The following MYO18A variants were observed in gnomAD, a reference collection of about 807,000 sequenced individuals.
MYO18A encodes the protein myosin XVIIIA.
In MYO18A, 78 loss-of-function variants were observed where a neutral mutation model predicts 235.8. The ratio of observed to expected loss-of-function variants is 0.33; its 90% CI spans 0.28 to 0.40. MYO18A has a LOEUF of 0.40. Ranked by LOEUF, MYO18A falls within the 10% of genes least tolerant of loss-of-function variation. The pLI is 1.00. For missense variants in MYO18A, 2,215 were observed against 2,699.3 expected (o/e 0.82, Z 3.98); for synonymous variants, 977 against 1,077.8 (o/e 0.91, Z 1.83).
At chr17:29,153,688 T>C (rs1157473965) in intron 2 of MYO18A, among the ~76,000 whole-genome samples, 4 of 152,104 alleles carry the variant, frequency 2.6e-5, no homozygotes, top group East Asian at 3.9e-4. Context: ...CCTCTCTTCC[T>C]CCTCTCTCCT....
intron 19 of MYO18A, among the ~76,000 whole-genome samples, chr17:29,108,394 A>G (rs1049287867): frequency 4.6e-5 from 7 of 152,226 alleles, no homozygotes; most frequent in African/African-American, 1.4e-4. Flanking sequence ...TGATCTTACC[A>G]GAGCCCAGGG....
In MYO18A at chr17:29,166,632, G is replaced by T. The variant is rs769928670; in HGVS notation, c.309C>A (p.Ser103Arg). Residue 103 changes from serine to arginine, a missense_variant, in exon 2 of 42, where the codon AGC (serine) becomes AGA (arginine). By Grantham distance (110) the Ser-to-Arg change is moderately radical. Transcript: ENST00000527372. ...DSGHLSTASS[S>R]DDLKGEEGSF... is the part of the protein sequence containing the mutation. ...TACCCTCCTCACCCTTGAGGTCATCGCTGGAGCTGGCTGTACTTAGGTGGC... is the reference window on the plus strand; with the variant it reads ...TACCCTCCTCACCCTTGAGGTCATCTCTGGAGCTGGCTGTACTTAGGTGGC... The T allele has an allele frequency of 6.2e-7, 1 of 1,613,876 alleles. No homozygotes were observed. The highest frequency in any genetic ancestry group is 8.5e-7 in the Non-Finnish European group (1 of 1,179,864).
intron 2 of MYO18A, among the ~76,000 whole-genome samples, chr17:29,127,134 C>G (rs1202576568): frequency 2.0e-5 from 3 of 152,166 alleles, no homozygotes; most frequent in Non-Finnish European, 4.4e-5. Context: ...TACTTAAAAC[C>G]CTTATTAACC....
intron 37 of MYO18A, among the ~76,000 whole-genome samples, chr17:29,089,101 A>T (rs1479441204): frequency 6.6e-6 from 1 of 151,260 alleles, no homozygotes; most frequent in Non-Finnish European, 1.5e-5. Context: ...AAGGGAGAGG[A>T]GAATGGGATG....
At chr17:29,167,639 G>A (rs1341801976) in intron 1 of MYO18A, among the ~76,000 whole-genome samples, 6 of 151,668 alleles carry the variant, frequency 4.0e-5, no homozygotes, top group African/African-American at 9.7e-5. Context: ...CCAGGAGGTC[G>A]AGGTTGCAGT....
At position 29,131,428 on chromosome 17, in the gene MYO18A, GTCC is replaced by G. The variant is rs929771944; in HGVS notation, c.1000-9178_1000-9176del. ...GAGAGCCAGGCTTTGGCAGAGTTTT[GTCC>G]TCCTCTTTAACCTGAGGGAGCAGAT... On this transcript the variant is annotated intron_variant, in intron 2 of 41. Coordinates refer to ENST00000527372, the MANE Select transcript of MYO18A (RefSeq NM_078471.4). 8.1e-6 allele frequency: 8 copies of G among 985,822 alleles called. No homozygotes were observed. The African/African-American group carries it at 1.2e-4, about 15-fold the overall frequency. 61.1% of individuals were successfully genotyped at this position (985,822 alleles called of 1,614,324 possible). A position where few individuals can be genotyped will look rare whatever the true frequency, so the allele number is the denominator to read the frequency against.
intron 2 of MYO18A, among the ~76,000 whole-genome samples, chr17:29,129,347 AGT>A (rs1491207252): frequency 1.3e-5 from 2 of 152,086 alleles, no homozygotes; most frequent in South Asian, 2.1e-4. Flanking sequence ...TAGTTCCCAG[AGT>A]GTGTATAGCC....
At chr17:29,090,498 C>G (rs573511513) in intron 36 of MYO18A, 34 bp downstream of exon 36, 1 of 1,544,872 alleles carries the variant, frequency 6.5e-7, no homozygotes, top group African/African-American at 1.4e-5. Context: ...GACCCTGGCA[C>G]TCTCTCTCTC....
chr17:29,098,388 G>A lies in MYO18A; in HGVS notation c.3838C>T (p.Leu1280=). 6.2e-7 allele frequency: 1 copy of A among 1,613,942 alleles called. No homozygotes were observed. Among genetic ancestry groups the A allele is most frequent in the South Asian group, 1.1e-5 (1 of 91,092 alleles). ...LEKAEKERNE[L]RLNSDRLESR... is the part of the protein sequence containing the mutation. ...TCCAGCCGGTCACTGTTGAGCCGCAGCTCGTTCCTCTCCTTCTCCGCCTTC... is the reference window on the plus strand; with the variant it reads ...TCCAGCCGGTCACTGTTGAGCCGCAACTCGTTCCTCTCCTTCTCCGCCTTC... The change falls in exon 24 of 42, where the codon CTG becomes TTG. Residue 1280 remains leucine, a synonymous_variant. Transcript: ENST00000527372.
At chr17:29,099,571 C>G (rs2066606047) in intron 22 of MYO18A, 63 bp downstream of exon 22, 3 of 1,571,684 alleles carry the variant, frequency 1.9e-6, no homozygotes, top group Middle Eastern at 1.8e-4. Context: ...ATAGCCCCCA[C>G]CCCAGGAACT....
rs183225376 is a variant in MYO18A at position 29,118,039 on chromosome 17, G to A, written c.2038+6C>T. On this transcript the variant is annotated splice_donor_region_variant and intron_variant, in intron 10 of 41. Transcript: ENST00000527372. The surrounding 1 kb of genome is among the most constrained non-coding windows in gnomAD (Gnocchi z 4.2). ...GGCCAGCCTACTGGGACCCACTGCAGGTTACCTTTGGTGGCTCCCGCAGCC... is the reference window on the plus strand; with the variant it reads ...GGCCAGCCTACTGGGACCCACTGCAAGTTACCTTTGGTGGCTCCCGCAGCC... The A allele has an allele frequency of 2.5e-6, 4 of 1,576,052 alleles. No individual in the cohort carries two copies. The highest frequency in any genetic ancestry group is 2.3e-5 in the South Asian group (2 of 85,838).
At chr17:29,177,104 A>G (rs1211446947) in intron 1 of MYO18A, among the ~76,000 whole-genome samples, 1 of 151,908 alleles carries the variant, frequency 6.6e-6, no homozygotes, top group Non-Finnish European at 1.5e-5. Flanking sequence ...AGCCTCCACT[A>G]TTTCAGCTAC....
chr17:29,105,215 C>CTGGCAA (rs1052903137), intron 20 of MYO18A, among the ~76,000 whole-genome samples: 43 of 148,662 alleles, frequency 2.9e-4, no homozygotes, highest in Non-Finnish European at 1.3e-4. Context: ...CCGGTTGGCT[C>CTGGCAA]TGGCAATATG....
In MYO18A at chr17:29,126,834, C is replaced by A. The variant is rs915784299; in HGVS notation, c.1000-4581G>T. Among the ~76,000 whole-genome samples the A allele has an allele frequency of 1.3e-5, 2 of 152,144 alleles. No individual in the cohort carries two copies. Among genetic ancestry groups the A allele is most frequent in the African/African-American group, 4.8e-5 (2 of 41,418 alleles). On this transcript the variant is annotated intron_variant, in intron 2 of 41. Coordinates refer to ENST00000527372, the MANE Select transcript of MYO18A (RefSeq NM_078471.4). This position sits in a 1 kb window ranked among gnomAD's most constrained non-coding sequence, Gnocchi z 4.1. ...AGGGAAAGAGGCTGGACTGACCCTCCCTCCTGCTTCTCAGCCTCCTGCCCC... is the reference window on the plus strand; with the variant it reads ...AGGGAAAGAGGCTGGACTGACCCTCACTCCTGCTTCTCAGCCTCCTGCCCC...
Position 29,120,757 on chromosome 17 carries a change from C to T in MYO18A, c.1587G>A (p.Val529=). The T allele has an allele frequency of 6.2e-7, 1 of 1,612,944 alleles. No individual in the cohort carries two copies. Among genetic ancestry groups the T allele is most frequent in the South Asian group, 1.1e-5 (1 of 90,950 alleles). ...GGGTGTACAGAGCCTGCCACTTCTCCACTGCAGAATACAGGCCCAAGGGGA... is the reference window on the plus strand; with the variant it reads ...GGGTGTACAGAGCCTGCCACTTCTCTACTGCAGAATACAGGCCCAAGGGGA... ...AGISGNKVFS[V]EKWQALYTLL... Residue 529 remains valine, a splice_region_variant and synonymous_variant, in exon 7 of 42, where the codon GTG becomes GTA. Coordinates refer to ENST00000527372, the MANE Select transcript of MYO18A (RefSeq NM_078471.4). The surrounding 1 kb of genome is among the most constrained non-coding windows in gnomAD (Gnocchi z 4.2).
chr17:29,112,979 G>A (rs959929000), intron 15 of MYO18A, among the ~76,000 whole-genome samples: 1 of 152,186 alleles, frequency 6.6e-6, no homozygotes, highest in Non-Finnish European at 1.5e-5. Flanking sequence ...GCCGCCCCAT[G>A]CCAAGGTCCA....
intron 40 of MYO18A, 24 bp from the exon 41 acceptor site, chr17:29,082,462 G>T: frequency 1.2e-6 from 2 of 1,608,992 alleles, no homozygotes; most frequent in Non-Finnish European, 1.7e-6. Flanking sequence ...GAGCAGAAAG[G>T]TAGACAAGGC....
At chr17:29,152,580 A>G (rs2067982296) in intron 2 of MYO18A, among the ~76,000 whole-genome samples, 2 of 152,184 alleles carry the variant, frequency 1.3e-5, no homozygotes, top group East Asian at 1.9e-4. Context: ...ACAAGAATAA[A>G]GCAGTTCTCC....
intron 14 of MYO18A, 109 bp from the exon 15 acceptor site, chr17:29,114,206 G>A (rs1006043414): frequency 2.6e-6 from 2 of 771,730 alleles, no homozygotes; most frequent in Non-Finnish European, 4.4e-6. Context: ...ACCTCCTTCT[G>A]TGCCGTGCAG....
Sources: gnomAD v4.1 joint callset for allele counts (sites outside exome capture counted in the v4.1 genomes callset) on GRCh38, gnomAD v4.1.1 for gene constraint, Gnocchi (gnomAD v3.1) non-coding constraint, MANE v1.5 for transcripts, NCBI Gene and HGNC (gene_info 2026-07-23, HGNC 2026-07-21) for gene names.